DYRK3: variants seen among roughly 807,000 people sequenced by gnomAD.
DYRK3 encodes the protein dual specificity tyrosine phosphorylation regulated kinase 3.
In DYRK3, 30 loss-of-function variants were observed where a neutral mutation model predicts 40.8. The observed-to-expected ratio is 0.74, with a 90% confidence interval of 0.55 to 1.00. The LOEUF (loss-of-function observed/expected upper bound fraction) is 1.00, where lower values mean the gene tolerates loss of function less well. Ranked by LOEUF, DYRK3 falls within the 50% of genes least tolerant of loss-of-function variation. DYRK3 has a pLI of 0.00. For missense variants in DYRK3, 699 were observed against 731.5 expected (o/e 0.96, Z 0.51); for synonymous variants, 272 against 260.7 (o/e 1.04, Z -0.42).
chr1:206,652,920 TACTG>T lies in DYRK3; in HGVS notation c.*3957_*3960del, dbSNP rs1671668219. Among the ~76,000 whole-genome samples the T allele has an allele frequency of 1.3e-5, 2 of 152,344 alleles. No individual in the cohort carries two copies. Among genetic ancestry groups the T allele is most frequent in the South Asian group, 4.1e-4 (2 of 4,832 alleles). On this transcript the variant is annotated 3_prime_UTR_variant, in exon 3 of 3. Coordinates refer to ENST00000367109, the MANE Select transcript of DYRK3 (RefSeq NM_003582.4). Reference sequence around the variant, plus strand: ...GTCAAACTGGTTAGGTTAGGTGACTTACTGAGTTCTAAATTGACAAATTTTAATT... The same window carrying T: ...GTCAAACTGGTTAGGTTAGGTGACTTAGTTCTAAATTGACAAATTTTAATT...
At chr1:206,645,682 CTT>C (rs1226901506) in intron 2 of DYRK3, among the ~76,000 whole-genome samples, 7 of 126,890 alleles carry the variant, frequency 5.5e-5, no homozygotes, top group Non-Finnish European at 6.8e-5. Flanking sequence ...TCACATCTGG[CTT>C]TTTTTTTTTT....
At chr1:206,636,504 C>G (rs1344168951) in intron 1 of DYRK3, among the ~76,000 whole-genome samples, 1 of 152,138 alleles carries the variant, frequency 6.6e-6, no homozygotes, top group Non-Finnish European at 1.5e-5. Context: ...TGAAGCCATT[C>G]CCTGTTAAAA....
intron 2 of DYRK3, 94 bp downstream of exon 2, chr1:206,637,855 C>A (rs1399711442): frequency 3.2e-6 from 3 of 923,430 alleles, no homozygotes; most frequent in Non-Finnish European, 4.9e-6. Context: ...TCACTGACAA[C>A]CAGACTTTTT....
Position 206,642,591 on chromosome 1 carries a change from G to A in DYRK3, c.190-4797G>A, listed in dbSNP as rs572078373. Among the ~76,000 whole-genome samples the A allele has an allele frequency of 5.3e-5, 8 of 152,264 alleles. No homozygotes were observed. In the South Asian group the frequency reaches 1.2e-3, roughly 24 times the overall value. On this transcript the variant is annotated intron_variant, in intron 2 of 2. Coordinates refer to ENST00000367109, the MANE Select transcript of DYRK3 (RefSeq NM_003582.4). ...TGGCACATATACACCATGGAATACT[G>A]TGCAGCCATAAAAAAGGATGAGTTC...
chr1:206,644,787 G>A (rs572561194), intron 2 of DYRK3, among the ~76,000 whole-genome samples: 3 of 152,140 alleles, frequency 2.0e-5, no homozygotes, highest in Middle Eastern at 3.4e-3. Context: ...TGATCCACCC[G>A]CCTCGGCCTT....
chr1:206,647,405 T>C lies in DYRK3; in HGVS notation c.207T>C (p.Phe69=). Residue 69 remains phenylalanine, a synonymous_variant, in exon 3 of 3, where the codon TTT becomes TTC. Coordinates refer to ENST00000367109, the MANE Select transcript of DYRK3 (RefSeq NM_003582.4). ...TTTCATAGATGACCACTGAGCAGTT[T>C]ACAGGAGATCATACTCAGCACTTTT... ...PRRLNMTTEQ[F]TGDHTQHFLD... 1 of 1,611,980 alleles carries C rather than the reference T, an allele frequency of 6.2e-7. No homozygotes were observed. The highest frequency in any genetic ancestry group is 8.5e-7 in the Non-Finnish European group (1 of 1,178,884).
At chr1:206,636,025 C>G in intron 1 of DYRK3, 1 of 1,448,542 alleles carries the variant, frequency 6.9e-7, no homozygotes, top group Non-Finnish European at 9.1e-7. Context: ...ATTTCCACCC[C>G]TGGATTCCCT....
chr1:206,639,485 T>TC (rs1424541651), intron 2 of DYRK3, among the ~76,000 whole-genome samples: 1 of 149,560 alleles, frequency 6.7e-6, no homozygotes, highest in Non-Finnish European at 1.5e-5. Flanking sequence ...TTTTTTTTTT[T>TC]GAGATGGACT....
intron 2 of DYRK3, among the ~76,000 whole-genome samples, chr1:206,640,830 G>A (rs1182945178): frequency 1.3e-5 from 2 of 152,202 alleles, no homozygotes; most frequent in Non-Finnish European, 1.5e-5. Context: ...GATTACAGGC[G>A]TGAGCCACCG....
chr1:206,648,978 T>G lies in DYRK3; in HGVS notation c.*13T>G, dbSNP rs148139981. ...ACTGATTAGCTAGTGGACAGAGATA[T>G]GCCCAGAGATGCATATGTGTATATT... On this transcript the variant is annotated 3_prime_UTR_variant, in exon 3 of 3. Coordinates refer to ENST00000367109, the MANE Select transcript of DYRK3 (RefSeq NM_003582.4). 1 of 1,591,190 alleles carries G rather than the reference T, an allele frequency of 6.3e-7. No homozygotes were observed. The highest frequency in any genetic ancestry group is 8.6e-7 in the Non-Finnish European group (1 of 1,166,716).
At chr1:206,638,433 C>T (rs550641263) in intron 2 of DYRK3, among the ~76,000 whole-genome samples, 5 of 151,802 alleles carry the variant, frequency 3.3e-5, no homozygotes, top group Admixed American at 6.6e-5. Context: ...CGTGCCACCA[C>T]GCCTGGCTAA....
rs544503268 is a variant in DYRK3, at chr1:206,654,528, A to G, written c.*5563A>G. Among the ~76,000 whole-genome samples, 3 of 152,334 alleles carry G rather than the reference A, an allele frequency of 2.0e-5. No individual in the cohort carries two copies. The South Asian group carries it at 6.2e-4, about 32-fold the overall frequency. ...AATATATTTTTAATATCCCCATTTTAACATACTCCATTTTCACCTTCAACC... is the reference window on the plus strand; with the variant it reads ...AATATATTTTTAATATCCCCATTTTGACATACTCCATTTTCACCTTCAACC... On this transcript the variant is annotated 3_prime_UTR_variant, in exon 3 of 3. Transcript: ENST00000367109.
chr1:206,647,823 T>A lies in DYRK3; in HGVS notation c.625T>A (p.Tyr209Asn). The A allele has an allele frequency of 1.2e-6, 2 of 1,614,028 alleles. No homozygotes were observed. The highest frequency in any genetic ancestry group is 1.7e-6 in the Non-Finnish European group (2 of 1,180,010). ...ACCTCGAGACCATCTAGCTTATCGA[T>A]ATGAGGTGCTGAAAATTATTGGCAA... is the stretch of plus-strand genomic sequence containing the variant. ...HVPRDHLAYR[Y>N]EVLKIIGKGS... The change falls in exon 3 of 3, where the codon TAT (tyrosine) becomes AAT (asparagine). Residue 209 changes from tyrosine (Y) to asparagine (N), a missense_variant. Physicochemically the swap from Tyr to Asn is moderately radical, Grantham distance 143. Transcript: ENST00000367109.
Position 206,652,236 on chromosome 1 carries a change from T to G in DYRK3, c.*3271T>G, listed in dbSNP as rs572684345. On this transcript the variant is annotated 3_prime_UTR_variant, in exon 3 of 3. Coordinates refer to ENST00000367109, the MANE Select transcript of DYRK3 (RefSeq NM_003582.4). ...ATCTAGGCAGAGCATATGTTGAGGT[T>G]GTTTTGCCAGTTGTTATCAGTGTTG... Among the ~76,000 whole-genome samples, 3 of 152,368 alleles carry G rather than the reference T, an allele frequency of 2.0e-5. No individual in the cohort carries two copies. The highest frequency in any genetic ancestry group is 4.8e-5 in the African/African-American group (2 of 41,576).
Position 206,649,203 on chromosome 1 carries a change from GTTA to G in DYRK3, c.*243_*245del. 2.1e-6 allele frequency: 1 copy of G among 466,658 alleles called. No homozygotes were observed. The highest frequency in any genetic ancestry group is 3.8e-6 in the Non-Finnish European group (1 of 262,604). The allele number at this position is 466,658 out of a possible 1,614,324, so 28.9% of individuals were successfully genotyped here. Reference sequence around the variant, plus strand: ...ACTTTTTATAGGTCAATGCATCTTTGTTATTATCGTCAGATGTATTTCAACTGA... The same window carrying G: ...ACTTTTTATAGGTCAATGCATCTTTGTTATCGTCAGATGTATTTCAACTGA... On this transcript the variant is annotated 3_prime_UTR_variant, in exon 3 of 3. Coordinates refer to ENST00000367109, the MANE Select transcript of DYRK3 (RefSeq NM_003582.4).
At chr1:206,643,594 TCTG>T (rs1671349285) in intron 2 of DYRK3, among the ~76,000 whole-genome samples, 2 of 152,190 alleles carry the variant, frequency 1.3e-5, no homozygotes, top group African/African-American at 4.8e-5. Context: ...GCATTGATCT[TCTG>T]TTGAAGTTCA....
chr1:206,636,771 TGTGTAACTGGGAAATCC>T (rs782458162), intron 1 of DYRK3: 12 of 591,470 alleles, frequency 2.0e-5, no homozygotes, highest in Non-Finnish European at 3.2e-5. Context: ...AATGCTGATG[TGTGTAACTGGGAAATCC>T]GTGTTCTTGG....
intron 2 of DYRK3, among the ~76,000 whole-genome samples, chr1:206,646,694 C>A (rs895375058): frequency 1.4e-4 from 21 of 152,262 alleles, no homozygotes; most frequent in African/African-American, 4.8e-4. Flanking sequence ...AACATTCAGC[C>A]CTGCTAGTCT....
In DYRK3 at chr1:206,651,764, A is replaced by G. The variant is rs1671638251; in HGVS notation, c.*2799A>G. Among the ~76,000 whole-genome samples the G allele has an allele frequency of 6.6e-6, 1 of 152,264 alleles. No individual in the cohort carries two copies. The highest frequency in any genetic ancestry group is 1.5e-5 in the Non-Finnish European group (1 of 68,046). ...GGCACACCTGGCTTAACTGCAGATC[A>G]GGGAGCATTGAACCTCTACAATTTG... On this transcript the variant is annotated 3_prime_UTR_variant, in exon 3 of 3. Coordinates refer to ENST00000367109, the MANE Select transcript of DYRK3 (RefSeq NM_003582.4).
Sources: allele counts gnomAD v4.1 joint callset (sites outside exome capture counted in the v4.1 genomes callset), GRCh38; gene constraint gnomAD v4.1.1; transcripts MANE v1.5; gene names NCBI Gene and HGNC (gene_info 2026-07-23, HGNC 2026-07-21).